Variants in ARB2A observed in about 807,000 individuals in gnomAD.
ARB2A encodes ARB2 cotranscriptional regulator A.
the ARB2A span, among the ~76,000 whole-genome samples, chr5:93,925,828 A>G: frequency 2.0e-5 from 3 of 152,142 alleles, no homozygotes; most frequent in East Asian, 5.8e-4. Context: ...AATCAAGACA[A>G]AGTAAAATTT....
At chr5:93,691,402 T>C in the ARB2A span, among the ~76,000 whole-genome samples, 6 of 151,706 alleles carry the variant, frequency 4.0e-5, no homozygotes, top group East Asian at 5.8e-4. Flanking sequence ...AACAGCCAAA[T>C]TGATCAAGCA....
At chr5:93,733,131 T>A in the ARB2A span, 28 of 152,210 alleles carry the variant, frequency 1.8e-4, no homozygotes, top group African/African-American at 4.1e-4. Flanking sequence ...TTAAACTTTT[T>A]AAAAAATTTC....
chr5:93,928,526 G>T, the ARB2A span, among the ~76,000 whole-genome samples: 1 of 152,106 alleles, frequency 6.6e-6, no homozygotes, highest in Admixed American at 6.5e-5. Context: ...AAACACAACT[G>T]ATATAAACAC....
the ARB2A span, among the ~76,000 whole-genome samples, chr5:93,772,626 C>T: frequency 6.6e-6 from 1 of 152,128 alleles, no homozygotes; most frequent in African/African-American, 2.4e-5. Flanking sequence ...GATATTAGCT[C>T]AGGGTTTCTC....
chr5:94,028,754 GT>G, the ARB2A span, among the ~76,000 whole-genome samples: 7 of 152,138 alleles, frequency 4.6e-5, no homozygotes, highest in South Asian at 1.5e-3. Context: ...TTTCTGTGGG[GT>G]TTTTTTCTCT....
the ARB2A span, among the ~76,000 whole-genome samples, chr5:94,043,030 G>A: frequency 6.6e-6 from 1 of 151,966 alleles, no homozygotes; most frequent in East Asian, 1.9e-4. Context: ...GTCATCCACA[G>A]GCAATTGTTG....
At chr5:93,887,986 T>A in the ARB2A span, among the ~76,000 whole-genome samples, 1 of 151,848 alleles carries the variant, frequency 6.6e-6, no homozygotes, top group Non-Finnish European at 1.5e-5. Context: ...CTGTAAAACA[T>A]GAAGGATATA....
the ARB2A span, among the ~76,000 whole-genome samples, chr5:93,852,281 G>C: frequency 6.6e-6 from 1 of 152,008 alleles, no homozygotes; most frequent in Non-Finnish European, 1.5e-5. Flanking sequence ...CATATCCTTT[G>C]CCCACTTTTT....
At chr5:94,056,620 C>T in the ARB2A span, among the ~76,000 whole-genome samples, 61 of 152,178 alleles carry the variant, frequency 4.0e-4, no homozygotes, top group Non-Finnish European at 6.3e-4. Context: ...TTAAAGTGAT[C>T]CAGCAACTAG....
chr5:93,746,899 CAA>C, the ARB2A span, among the ~76,000 whole-genome samples: 1 of 152,156 alleles, frequency 6.6e-6, no homozygotes, highest in Non-Finnish European at 1.5e-5. Flanking sequence ...CAGAGATAGA[CAA>C]AGTTTAAAGG....
chr5:93,713,665 T>C, the ARB2A span, among the ~76,000 whole-genome samples: 1 of 152,022 alleles, frequency 6.6e-6, no homozygotes, highest in Non-Finnish European at 1.5e-5. Flanking sequence ...AGAGCTACCA[T>C]ATGATCTAGC....
the ARB2A span, among the ~76,000 whole-genome samples, chr5:93,641,229 A>G: frequency 1.3e-5 from 2 of 152,024 alleles, no homozygotes; most frequent in African/African-American, 4.8e-5. Flanking sequence ...GAGGCCATGA[A>G]AGTTCTTTTT....
At chr5:93,835,875 C>T in the ARB2A span, among the ~76,000 whole-genome samples, 1 of 152,044 alleles carries the variant, frequency 6.6e-6, no homozygotes, top group Non-Finnish European at 1.5e-5. Context: ...AAATGAAATT[C>T]TTTCTTCTAA....
At chr5:93,872,435 A>G in the ARB2A span, among the ~76,000 whole-genome samples, 31 of 152,292 alleles carry the variant, frequency 2.0e-4, no homozygotes, top group Non-Finnish European at 2.9e-4. Context: ...TCTTTTTACC[A>G]TATCATATTT....
the ARB2A span, among the ~76,000 whole-genome samples, chr5:94,025,262 A>C: frequency 6.6e-6 from 1 of 152,332 alleles, no homozygotes; most frequent in South Asian, 2.1e-4. Context: ...CAGAAGTCCA[A>C]GATCAAGGTG....
the ARB2A span, among the ~76,000 whole-genome samples, chr5:93,830,743 C>T: frequency 3.9e-5 from 6 of 152,186 alleles, no homozygotes; most frequent in Admixed American, 3.3e-4. Context: ...ACATCAGGGA[C>T]CAGTTTTGTG....
the ARB2A span, among the ~76,000 whole-genome samples, chr5:94,024,026 C>T: frequency 1.3e-5 from 2 of 152,234 alleles, no homozygotes; most frequent in Non-Finnish European, 2.9e-5. Flanking sequence ...AATGACTTCA[C>T]GTAGAGCCTG....
chr5:93,767,907 T>C, the ARB2A span, among the ~76,000 whole-genome samples: 2 of 137,050 alleles, frequency 1.5e-5, no homozygotes, highest in African/African-American at 5.6e-5. Flanking sequence ...GGCAGGAGAA[T>C]GGCCTGAACT....
At chr5:94,068,988 TCGTGCCATTGCACTCC>T in the ARB2A span, among the ~76,000 whole-genome samples, 1 of 150,368 alleles carries the variant, frequency 6.7e-6, no homozygotes, top group Non-Finnish European at 1.5e-5. Flanking sequence ...TGAGCCGAGA[TCGTGCCATTGCACTCC>T]AGCCTCGGCA....
Sources: allele counts gnomAD v4.1 joint callset (sites outside exome capture counted in the v4.1 genomes callset), GRCh38; gene constraint gnomAD v4.1.1; transcripts MANE v1.5; gene names NCBI Gene and HGNC (gene_info 2026-07-23, HGNC 2026-07-21).